ROCK1: variants seen among roughly 807,000 people sequenced by gnomAD.
ROCK1 encodes the protein Rho associated coiled-coil containing protein kinase 1.
In ROCK1, 36 loss-of-function variants were observed where a neutral mutation model predicts 196.8. That is an observed-to-expected ratio of 0.18 (90% CI 0.14 to 0.24). The LOEUF is 0.24. ROCK1 is among the 10% of genes least tolerant of loss of function. The pLI, the probability that ROCK1 is intolerant of heterozygous loss-of-function variation, is 1.00. For missense variants in ROCK1, 920 were observed against 1,562.0 expected (o/e 0.59, Z 6.93); for synonymous variants, 443 against 515.9 (o/e 0.86, Z 1.91).
chr18:20,953,923 T>C (rs1253127205), intron 31 of ROCK1, 138 bp from the exon 32 acceptor site: 3 of 540,596 alleles, frequency 5.5e-6, no homozygotes, highest in Non-Finnish European at 9.4e-6. Flanking sequence ...CAATATCTCA[T>C]TCTCCTTAAG....
At position 20,984,504 on chromosome 18, in the gene ROCK1, T is replaced by A; in HGVS notation, c.2336A>T (p.Glu779Val). 6.2e-7 allele frequency: 1 copy of A among 1,612,688 alleles called. No individual in the cohort carries two copies. The highest frequency in any genetic ancestry group is 1.7e-5 in the Admixed American group (1 of 59,738). The change falls in exon 20 of 33, where the codon GAA becomes GTA. Residue 779 changes from glutamate (E) to valine (V), a missense_variant. Physicochemically the swap from Glu to Val is moderately radical, Grantham distance 121. Transcript: ENST00000399799. ...TTGTAACAACAGCCGCTTATTTGAT[T>A]CCTGCTCCAGTTGCAGGGTTAGATT... ...VKNLTLQLEQ[E>V]SNKRLLLQNE... is the part of the protein sequence containing the mutation.
At chr18:20,972,182 G>A (rs1203085661) in intron 22 of ROCK1, among the ~76,000 whole-genome samples, 2 of 152,042 alleles carry the variant, frequency 1.3e-5, no homozygotes, top group Non-Finnish European at 2.9e-5. Context: ...ATAATTTTTA[G>A]TTAACACTGG....
chr18:21,100,896 C>G (rs572781782), intron 1 of ROCK1, among the ~76,000 whole-genome samples: 1 of 152,154 alleles, frequency 6.6e-6, no homozygotes, highest in Non-Finnish European at 1.5e-5. Flanking sequence ...GGCCTTGAGG[C>G]GATCGCAACT....
intron 22 of ROCK1, among the ~76,000 whole-genome samples, chr18:20,975,418 T>TA (rs1014677242): frequency 1.2e-4 from 18 of 152,284 alleles, no homozygotes; most frequent in Non-Finnish European, 2.5e-4. Context: ...ATCAGGCTGT[T>TA]AGATATACTC....
chr18:21,060,696 G>A (rs1387163272), intron 2 of ROCK1, among the ~76,000 whole-genome samples: 7 of 151,880 alleles, frequency 4.6e-5, no homozygotes, highest in South Asian at 2.1e-4. Flanking sequence ...AAAATTAGCC[G>A]GGCATTGTGG....
At position 21,006,554 on chromosome 18, in the gene ROCK1, G is replaced by A; in HGVS notation, c.1682C>T (p.Ala561Val). Residue 561 changes from alanine to valine, a missense_variant, in exon 16 of 33, where the codon GCT becomes GTT. Coordinates refer to ENST00000399799, the MANE Select transcript of ROCK1 (RefSeq NM_005406.3). ...TGTGTGACTCTTCCTCAATCTTACAGCTGTGTCCGATTCTGTCCTAAGTAA... is the reference window on the plus strand; with the variant it reads ...TGTGTGACTCTTCCTCAATCTTACAACTGTGTCCGATTCTGTCCTAAGTAA... ...NDLLRTESDT[A>V]VRLRKSHTEM... The A allele has an allele frequency of 6.2e-7, 1 of 1,613,626 alleles. No homozygotes were observed. The highest frequency in any genetic ancestry group is 8.5e-7 in the Non-Finnish European group (1 of 1,179,820).
At chr18:21,046,967 C>T (rs928658490) in intron 4 of ROCK1, among the ~76,000 whole-genome samples, 3 of 152,034 alleles carry the variant, frequency 2.0e-5, no homozygotes, top group Non-Finnish European at 2.9e-5. Flanking sequence ...CCACCACACC[C>T]GGCCCAGACT....
chr18:21,033,712 C>A (rs2036030089), intron 9 of ROCK1, among the ~76,000 whole-genome samples: 1 of 151,372 alleles, frequency 6.6e-6, no homozygotes, highest in Non-Finnish European at 1.5e-5. Flanking sequence ...ATTAAGGGAA[C>A]AATTCCATTT....
chr18:20,970,454 G>A lies in ROCK1; in HGVS notation c.2714C>T (p.Ala905Val), dbSNP rs138865724. Residue 905 changes from alanine (A) to valine (V), a missense_variant, in exon 23 of 33, where the codon GCG (alanine) becomes GTG (valine). Physicochemically the swap from Ala to Val is moderately conservative, Grantham distance 64. Transcript: ENST00000399799. The stretch of plus-strand genomic sequence containing the variant: ...ATACTGTTCTTCCAGAAGGCCTCGC[G>A]CCAACTGCTCAGACTCAGCTTTTGT... ...AETKAESEQLARGLLEEQYFE... is the reference protein window; with the variant it reads ...AETKAESEQLVRGLLEEQYFE... 1.2e-4 allele frequency: 193 copies of A among 1,613,564 alleles called. No individual in the cohort carries two copies. The highest frequency in any genetic ancestry group is 1.6e-4 in the Non-Finnish European group (185 of 1,179,690).
intron 22 of ROCK1, among the ~76,000 whole-genome samples, chr18:20,977,785 G>C (rs943424825): frequency 1.3e-5 from 2 of 152,132 alleles, no homozygotes; most frequent in African/African-American, 2.4e-5. Context: ...TGCCTAAACT[G>C]TCCCCTTCAC....
chr18:21,044,657 T>A (rs749061322), intron 5 of ROCK1, among the ~76,000 whole-genome samples: 11 of 152,164 alleles, frequency 7.2e-5, no homozygotes, highest in Non-Finnish European at 1.3e-4. Flanking sequence ...TATTCACTAA[T>A]TAAAAGCAAA....
At chr18:21,060,702 T>C (rs1428014364) in intron 2 of ROCK1, among the ~76,000 whole-genome samples, 3 of 151,842 alleles carry the variant, frequency 2.0e-5, no homozygotes, top group Non-Finnish European at 4.4e-5. Flanking sequence ...AGCCGGGCAT[T>C]GTGGCGCATG....
At chr18:21,082,906 C>T (rs1474471852) in intron 1 of ROCK1, among the ~76,000 whole-genome samples, 1 of 152,110 alleles carries the variant, frequency 6.6e-6, no homozygotes, top group African/African-American at 2.4e-5. Flanking sequence ...TCACAGGTGA[C>T]ATGATCCTAT....
chr18:21,089,223 A>T (rs979233823), intron 1 of ROCK1, among the ~76,000 whole-genome samples: 1 of 151,908 alleles, frequency 6.6e-6, no homozygotes, highest in African/African-American at 2.4e-5. Context: ...ACATTCGGCT[A>T]ATTTTTTTCT....
chr18:21,082,809 A>G (rs1431798537), intron 1 of ROCK1, among the ~76,000 whole-genome samples: 1 of 152,196 alleles, frequency 6.6e-6, no homozygotes, highest in Non-Finnish European at 1.5e-5. Flanking sequence ...TATTCAACTC[A>G]TTATTGGAAG....
In ROCK1 at chr18:21,006,414, C is replaced by T. The variant is rs1189443782; in HGVS notation, c.1822G>A (p.Ala608Thr). The stretch of plus-strand genomic sequence containing the variant: ...TCTCTTCGTTCAGCTTCTAATATAG[C>T]TTGCAGCTGGTAATAATCTTTGTCT... ...QTDKDYYQLQ[A>T]ILEAERRDRG... The change falls in exon 16 of 33, where the codon GCT becomes ACT. Residue 608 changes from alanine (A) to threonine (T), a missense_variant. Around this residue, in one of 6 missense-constraint regions of ROCK1, gnomAD observed 520 missense variants for 657.1 expected, o/e 0.79. Coordinates refer to ENST00000399799, the MANE Select transcript of ROCK1 (RefSeq NM_005406.3). The T allele has an allele frequency of 6.2e-7, 1 of 1,613,496 alleles. No homozygotes were observed. The highest frequency in any genetic ancestry group is 8.5e-7 in the Non-Finnish European group (1 of 1,179,946).
chr18:21,072,010 C>T (rs773456956), intron 1 of ROCK1, among the ~76,000 whole-genome samples: 2 of 151,958 alleles, frequency 1.3e-5, no homozygotes, highest in Non-Finnish European at 2.9e-5. Flanking sequence ...TGTTAGTCTC[C>T]CTATTAACAG....
Position 21,023,604 on chromosome 18 carries a change from C to G in ROCK1, c.1272+16G>C, listed in dbSNP as rs539020131. 32 of 1,404,420 alleles carry G rather than the reference C, an allele frequency of 2.3e-5. No individual in the cohort carries two copies. In the Admixed American group the frequency reaches 7.0e-4, roughly 31 times the overall value. The allele number at this position is 1,404,420 out of a possible 1,614,324, so 87.0% of individuals were successfully genotyped here. Reference sequence around the variant, plus strand: ...AATTTTAAAAACAATTTTCTTAATACTAAGAAAATACCTACCAAGCTTTTA... The same window carrying G: ...AATTTTAAAAACAATTTTCTTAATAGTAAGAAAATACCTACCAAGCTTTTA... On this transcript the variant is annotated intron_variant, in intron 11 of 32. Coordinates refer to ENST00000399799, the MANE Select transcript of ROCK1 (RefSeq NM_005406.3).
At chr18:21,047,964 G>A (rs1021699555) in intron 4 of ROCK1, among the ~76,000 whole-genome samples, 68 of 152,122 alleles carry the variant, frequency 4.5e-4, no homozygotes, top group African/African-American at 1.2e-3. Flanking sequence ...AACTTCCCCC[G>A]TATGACATTT....
Sources: gnomAD v4.1 joint callset for allele counts (sites outside exome capture counted in the v4.1 genomes callset) on GRCh38, gnomAD v4.1.1 for gene constraint, gnomAD v4.1.1 regional missense constraint, MANE v1.5 for transcripts, NCBI Gene and HGNC (gene_info 2026-07-23, HGNC 2026-07-21) for gene names.